UTP6: variants seen among roughly 807,000 people sequenced by gnomAD.
UTP6 encodes the protein U3 small nucleolar RNA-associated protein 6 homolog.
In UTP6, 60 loss-of-function variants were observed where a neutral mutation model predicts 96.5. The observed-to-expected ratio is 0.62, with a 90% CI of 0.51 to 0.77. The LOEUF is 0.77. UTP6 is among the 30% of genes least tolerant of loss of function. The pLI is 0.00. For synonymous variants in UTP6, 215 were observed against 240.1 expected (o/e 0.90, Z 0.96); for missense variants, 637 against 706.5 (o/e 0.90, Z 1.12).
In UTP6 at chr17:31,894,959, C is replaced by A; in HGVS notation, c.219+11G>T. ...TATTTTTCTCCAACTTCTAGAAAATCTTCTACTTACTGTTCTTCTTCTCTG... is the reference window on the plus strand; with the variant it reads ...TATTTTTCTCCAACTTCTAGAAAATATTCTACTTACTGTTCTTCTTCTCTG... On this transcript the variant is annotated intron_variant, in intron 3 of 18. Coordinates refer to ENST00000261708, the MANE Select transcript of UTP6 (RefSeq NM_018428.3). 1 of 1,564,900 alleles carries A rather than the reference C, an allele frequency of 6.4e-7. No homozygotes were observed. Among genetic ancestry groups the A allele is most frequent in the Non-Finnish European group, 8.7e-7 (1 of 1,143,100 alleles).
Position 31,862,080 on chromosome 17 carries a change from G to C in UTP6, c.*1279C>G, listed in dbSNP as rs1024130945. 1 of 152,366 alleles carries C rather than the reference G, an allele frequency of 6.6e-6. No homozygotes were observed. Among genetic ancestry groups the C allele is most frequent in the Non-Finnish European group, 1.5e-5 (1 of 68,056 alleles). 9.4% of individuals were successfully genotyped at this position (152,366 alleles called of 1,614,324 possible). A position where few individuals can be genotyped will look rare whatever the true frequency, so the allele number is the denominator to read the frequency against. ...GGAGGCCAAGGCGGGTGGATCATGA[G>C]GTCAGGAGTTCGCAACCAGCCTGGC... is the stretch of plus-strand genomic sequence containing the variant. On this transcript the variant is annotated 3_prime_UTR_variant, in exon 19 of 19. Transcript: ENST00000261708.
At chr17:31,864,671 G>A (rs1383406276) in intron 18 of UTP6, among the ~76,000 whole-genome samples, 1 of 152,180 alleles carries the variant, frequency 6.6e-6, no homozygotes, top group Non-Finnish European at 1.5e-5. Context: ...TGCCCAGGCT[G>A]GAGTACAATG....
chr17:31,865,465 A>G, intron 17 of UTP6, 27 bp from the exon 18 acceptor site: 1 of 1,604,808 alleles, frequency 6.2e-7, no homozygotes, highest in Non-Finnish European at 8.5e-7. Context: ...ATCTTGTCTC[A>G]AAAGCCTGAT....
chr17:31,875,244 AG>A lies in UTP6; in HGVS notation c.1294del (p.Leu432Ter). On this transcript the variant is annotated frameshift_variant, in exon 14 of 19. Coordinates refer to ENST00000261708, the MANE Select transcript of UTP6 (RefSeq NM_018428.3). LOFTEE classifies it high-confidence loss of function. Reference sequence around the variant, plus strand: ...ATCCAGCTCACTGACCTGGGGTTTCAGGTGCACAAAGGCTTCTTCAAAAAGC... The same window carrying A: ...ATCCAGCTCACTGACCTGGGGTTTCAGTGCACAAAGGCTTCTTCAAAAAGC... ...AMLFEEAFVHLKPQVCLPLWI... is the reference protein window; with the variant it reads ...AMLFEEAFVHXKPQVCLPLWI... 1 of 1,614,022 alleles carries A rather than the reference AG, an allele frequency of 6.2e-7. No individual in the cohort carries two copies. The highest frequency in any genetic ancestry group is 8.5e-7 in the Non-Finnish European group (1 of 1,179,952).
intron 3 of UTP6, 91 bp from the exon 4 acceptor site, chr17:31,894,828 GCAAA>G: frequency 3.0e-6 from 4 of 1,318,982 alleles, no homozygotes; most frequent in South Asian, 2.5e-5. Context: ...TACTGATGAA[GCAAA>G]CAAATAATTA....
At chr17:31,887,360 A>AT in intron 7 of UTP6, 47 bp from the exon 8 acceptor site, 1 of 1,566,130 alleles carries the variant, frequency 6.4e-7, no homozygotes. Flanking sequence ...GCTTTTTAAA[A>AT]TTTTTTTGAG....
intron 7 of UTP6, chr17:31,888,313 A>G (rs1051958102): frequency 6.6e-5 from 10 of 152,338 alleles, no homozygotes; most frequent in African/African-American, 2.2e-4. Context: ...AGCTAAAAAA[A>G]TGTTAGAGTC....
At chr17:31,881,006 T>G (rs1005618213) in intron 10 of UTP6, among the ~76,000 whole-genome samples, 2 of 151,872 alleles carry the variant, frequency 1.3e-5, no homozygotes, top group Non-Finnish European at 2.9e-5. Context: ...TGAAACCCCA[T>G]CTCTACTAAA....
chr17:31,889,397 C>T lies in UTP6; in HGVS notation c.431G>A (p.Trp144Ter), dbSNP rs201254967. The stretch of plus-strand genomic sequence containing the variant: ...CATTTCCCATTTGGCTGCCATAATC[C>T]ACAAAGCTGTAAGTGAAAAACCATC... ...LAIHSNKPAL[W>*]IMAAKWEMED... is the part of the protein sequence containing the mutation. Residue 144 changes from tryptophan to a stop codon, truncating the protein, a stop_gained, in exon 7 of 19, where the codon TGG becomes TAG. Coordinates refer to ENST00000261708, the MANE Select transcript of UTP6 (RefSeq NM_018428.3). LOFTEE classifies it high-confidence loss of function. The T allele has an allele frequency of 3.3e-5, 53 of 1,611,870 alleles. No homozygotes were observed. The highest frequency in any genetic ancestry group is 3.9e-5 in the Non-Finnish European group (46 of 1,178,696).
At chr17:31,871,885 C>G (rs1004849493) in intron 16 of UTP6, among the ~76,000 whole-genome samples, 1 of 151,676 alleles carries the variant, frequency 6.6e-6, no homozygotes, top group African/African-American at 2.4e-5. Context: ...GAGCAAGACT[C>G]TGTCTCAAAG....
chr17:31,881,117 AG>A (rs1329553470), intron 10 of UTP6, among the ~76,000 whole-genome samples: 22 of 152,046 alleles, frequency 1.4e-4, no homozygotes, highest in Admixed American at 1.3e-4. Context: ...CAGAAGTTGC[AG>A]TGAGTCGAGA....
At position 31,867,379 on chromosome 17, in the gene UTP6, G is replaced by A. The variant is rs576686327; in HGVS notation, c.1563+667C>T. Among the ~76,000 whole-genome samples, 14 of 151,916 alleles carry A rather than the reference G, an allele frequency of 9.2e-5. No individual in the cohort carries two copies. The South Asian group carries it at 2.7e-3, about 29-fold the overall frequency. Reference sequence around the variant, plus strand: ...AGAAATTAGCAGGGCGTGGCAGCCCGTGCCTGTAATCCCAGCTACTCGGGA... The same window carrying A: ...AGAAATTAGCAGGGCGTGGCAGCCCATGCCTGTAATCCCAGCTACTCGGGA... On this transcript the variant is annotated intron_variant, in intron 17 of 18. Transcript: ENST00000261708.
At chr17:31,875,820 C>CAAAAAA (rs1012799437) in intron 13 of UTP6, among the ~76,000 whole-genome samples, 1 of 65,816 alleles carries the variant, frequency 1.5e-5, no homozygotes. Flanking sequence ...AACTCTATCT[C>CAAAAAA]AAAAAAAAAA....
At chr17:31,863,619 A>T (rs1909651032) in intron 18 of UTP6, 103 bp from the exon 19 acceptor site, 1 of 1,035,882 alleles carries the variant, frequency 9.7e-7, no homozygotes, top group Non-Finnish European at 1.4e-6. Context: ...TTAACTTCTC[A>T]TTGTTACTTC....
intron 6 of UTP6, among the ~76,000 whole-genome samples, chr17:31,890,429 A>AAC (rs2142317453): frequency 6.6e-6 from 1 of 151,700 alleles, no homozygotes; most frequent in South Asian, 2.1e-4. Flanking sequence ...CAGCCTGGCC[A>AAC]ACATGGTGAA....
chr17:31,865,207 T>G (rs1909745293), intron 18 of UTP6, among the ~76,000 whole-genome samples, 159 bp downstream of exon 18: 2 of 152,106 alleles, frequency 1.3e-5, no homozygotes, highest in Non-Finnish European at 2.9e-5. Context: ...GAGACGGGGT[T>G]TCACCATATT....
Position 31,863,400 on chromosome 17 carries a change from A to T in UTP6, c.1753T>A (p.Phe585Ile). The T allele has an allele frequency of 6.2e-7, 1 of 1,614,064 alleles. No homozygotes were observed. Among genetic ancestry groups the T allele is most frequent in the Non-Finnish European group, 8.5e-7 (1 of 1,180,008 alleles). ...KMLQGESAEA[F>I]VAKHAMHQTG... The stretch of plus-strand genomic sequence containing the variant: ...TGATGCATAGCATGTTTAGCTACAA[A>T]TGCCTCTGCTGACTCTCCCTGCAAC... Residue 585 changes from phenylalanine (F) to isoleucine (I), a missense_variant, in exon 19 of 19, where the codon TTT becomes ATT. Physicochemically the swap from Phe to Ile is conservative, Grantham distance 21 (BLOSUM62 0). Coordinates refer to ENST00000261708, the MANE Select transcript of UTP6 (RefSeq NM_018428.3).
intron 6 of UTP6, among the ~76,000 whole-genome samples, chr17:31,891,835 C>A (rs1466889199): frequency 6.6e-6 from 1 of 152,126 alleles, no homozygotes. Context: ...CCAGCCTGAC[C>A]AACGTGGTAA....
At chr17:31,901,342 G>A (rs1428216616) in intron 1 of UTP6, 194 bp downstream of exon 1, 2 of 572,666 alleles carry the variant, frequency 3.5e-6, no homozygotes, top group African/African-American at 3.7e-5. Context: ...ACGTCTGATG[G>A]GTAAGTAGAC....
Sources: allele counts gnomAD v4.1 joint callset (sites outside exome capture counted in the v4.1 genomes callset), GRCh38; gene constraint gnomAD v4.1.1; transcripts MANE v1.5; gene names NCBI Gene and HGNC (gene_info 2026-07-23, HGNC 2026-07-21).